The following STRN3 variants were observed in gnomAD, a reference collection of about 807,000 sequenced individuals.
STRN3 encodes striatin 3, also known as striatin-3.
Under a neutral mutation model 95.6 loss-of-function variants are expected in STRN3, and 29 were observed. The observed-to-expected ratio is 0.30, with a 90% CI of 0.23 to 0.41. The LOEUF is 0.41. Among genes scored for constraint, STRN3 ranks in the 10% least tolerant of loss-of-function variants. STRN3 has a pLI of 1.00. For synonymous variants in STRN3, 331 were observed against 357.6 expected (o/e 0.93, Z 0.84); for missense variants, 890 against 972.1 (o/e 0.92, Z 1.12).
chr14:30,997,486 G>C (rs1478162083), intron 1 of STRN3, among the ~76,000 whole-genome samples: 1 of 152,122 alleles, frequency 6.6e-6, no homozygotes, highest in Non-Finnish European at 1.5e-5. Flanking sequence ...ATTCAAACTA[G>C]CCAACCCTAA....
intron 1 of STRN3, among the ~76,000 whole-genome samples, chr14:30,987,252 A>G (rs1881736492): frequency 6.6e-6 from 1 of 152,222 alleles, no homozygotes; most frequent in African/African-American, 2.4e-5. Flanking sequence ...TCACGCCTGT[A>G]ATCCCAGCAC....
At chr14:30,899,702 C>A (rs1180279457) in intron 16 of STRN3, among the ~76,000 whole-genome samples, 2 of 152,112 alleles carry the variant, frequency 1.3e-5, no homozygotes, top group Non-Finnish European at 2.9e-5. Flanking sequence ...CAACCCCAAA[C>A]ACCTTTCCAT....
rs138134268 is a variant in STRN3 at position 30,972,440 on chromosome 14, G to A, written c.283-16198C>T. Among the ~76,000 whole-genome samples, 1,348 of 152,268 alleles carry A rather than the reference G, an allele frequency of 8.9e-3. 19 individuals carry two copies. The highest frequency in any genetic ancestry group is 0.031 in the African/African-American group (1,298 of 41,544). ...CTTCCCCTCCCTTGTCCAAGTGTAC[G>A]TTCACCATTGTTCCATCTGTAAGGG... On this transcript the variant is annotated intron_variant, in intron 1 of 17. Transcript: ENST00000357479.
intron 1 of STRN3, among the ~76,000 whole-genome samples, chr14:30,963,066 C>T (rs982600777): frequency 1.3e-5 from 2 of 149,394 alleles, no homozygotes; most frequent in Non-Finnish European, 3.0e-5. Context: ...CATATTCTTG[C>T]TGTTACGTGA....
intron 1 of STRN3, chr14:31,014,859 A>G: frequency 2.5e-6 from 1 of 397,178 alleles, no homozygotes; most frequent in Non-Finnish European, 4.8e-6. Flanking sequence ...CCCAGGCTGC[A>G]GTCTGTCACC....
chr14:30,913,596 A>C lies in STRN3; in HGVS notation c.1302T>G (p.Val434=). ...CTCCAAGGCCCAGTACACTTAACAA[A>C]ACATCATCAGAACCCATAATAAATG... ...GKSFIMGSDD[V]LLSVLGLGDL... is the part of the protein sequence containing the mutation. Residue 434 remains valine (V), a synonymous_variant, in exon 10 of 18, where the codon GTT becomes GTG. Transcript: ENST00000357479. The C allele has an allele frequency of 6.2e-7, 1 of 1,613,970 alleles. No homozygotes were observed.
intron 1 of STRN3, among the ~76,000 whole-genome samples, chr14:30,966,547 A>G (rs1880519408): frequency 6.6e-6 from 1 of 152,180 alleles, no homozygotes; most frequent in African/African-American, 2.4e-5. Context: ...TCAGCAACGC[A>G]GAGTGGGGGA....
chr14:30,996,650 G>A lies in STRN3; in HGVS notation c.282+29254C>T, dbSNP rs530839349. ...TGGGAGGCCAAGGCGGGTGGATCAC[G>A]AGGTCAGGAGATCAAGACCATCCTG... On this transcript the variant is annotated intron_variant, in intron 1 of 17. Coordinates refer to ENST00000357479, the MANE Select transcript of STRN3 (RefSeq NM_001083893.2). Among the ~76,000 whole-genome samples the A allele has an allele frequency of 1.8e-4, 28 of 152,208 alleles. No individual in the cohort carries two copies. The South Asian group carries it at 1.9e-3, about 10-fold the overall frequency.
chr14:30,945,073 T>C (rs1016911940), intron 5 of STRN3, among the ~76,000 whole-genome samples: 1 of 152,214 alleles, frequency 6.6e-6, no homozygotes, highest in African/African-American at 2.4e-5. Flanking sequence ...CTAACCTATG[T>C]TACTCAGGGT....
At chr14:30,917,133 C>T (rs563640021) in intron 9 of STRN3, among the ~76,000 whole-genome samples, 1 of 152,272 alleles carries the variant, frequency 6.6e-6, no homozygotes, top group East Asian at 1.9e-4. Context: ...TCCAAAGCTG[C>T]CTTCTTAGCT....
At chr14:30,913,916 C>CT (rs1290540864) in intron 9 of STRN3, among the ~76,000 whole-genome samples, 1 of 150,148 alleles carries the variant, frequency 6.7e-6, no homozygotes, top group East Asian at 1.9e-4. Context: ...AAAGCTTTGT[C>CT]TGTCTAAATC....
At chr14:30,964,504 T>A in intron 1 of STRN3, 1 of 157,820 alleles carries the variant, frequency 6.3e-6, no homozygotes, top group South Asian at 1.7e-4. Flanking sequence ...GGAGAAATAT[T>A]AAAATGTCCC....
chr14:31,006,555 G>C (rs1277477591), intron 1 of STRN3, among the ~76,000 whole-genome samples: 5 of 152,064 alleles, frequency 3.3e-5, no homozygotes, highest in Admixed American at 3.3e-4. Flanking sequence ...AAAAGGCTGG[G>C]CATGGTGGTG....
chr14:31,012,242 G>A (rs1026291158), intron 1 of STRN3, among the ~76,000 whole-genome samples: 2 of 151,992 alleles, frequency 1.3e-5, no homozygotes, highest in African/African-American at 4.8e-5. Context: ...TATTATCTTT[G>A]TTTTCTTTCT....
At chr14:31,008,828 C>T (rs963562863) in intron 1 of STRN3, among the ~76,000 whole-genome samples, 7 of 152,044 alleles carry the variant, frequency 4.6e-5, no homozygotes, top group Non-Finnish European at 1.0e-4. Flanking sequence ...CACTCAAGGT[C>T]AGGAATTTGA....
chr14:30,992,205 G>A (rs941555252), intron 1 of STRN3, among the ~76,000 whole-genome samples: 12 of 151,806 alleles, frequency 7.9e-5, no homozygotes, highest in East Asian at 3.9e-4. Context: ...AGGCTCAGGA[G>A]TTCAAGAACA....
chr14:30,976,752 T>C (rs1363666601), intron 1 of STRN3, among the ~76,000 whole-genome samples: 2 of 152,244 alleles, frequency 1.3e-5, no homozygotes. Context: ...AAATTAAACA[T>C]ACTTGTAAGT....
chr14:30,897,707 A>G (rs1896196448), intron 16 of STRN3, among the ~76,000 whole-genome samples: 1 of 152,234 alleles, frequency 6.6e-6, no homozygotes, highest in South Asian at 2.1e-4. Flanking sequence ...TTCAAACCAC[A>G]ACTCTCATTA....
At chr14:30,909,850 A>T (rs1896563120) in intron 13 of STRN3, among the ~76,000 whole-genome samples, 1 of 152,206 alleles carries the variant, frequency 6.6e-6, no homozygotes, top group African/African-American at 2.4e-5. Flanking sequence ...AACACATACA[A>T]ATTAAGAGTC....
Sources: gnomAD v4.1 joint callset for allele counts (sites outside exome capture counted in the v4.1 genomes callset) on GRCh38, gnomAD v4.1.1 for gene constraint, MANE v1.5 for transcripts, NCBI Gene and HGNC (gene_info 2026-07-23, HGNC 2026-07-21) for gene names.